POLR1F: variants seen among roughly 807,000 people sequenced by gnomAD.
POLR1F encodes DNA-directed RNA polymerase I subunit RPA43.
Under a neutral mutation model 21.8 loss-of-function variants are expected in POLR1F, and 23 were observed. The observed-to-expected ratio is 1.05, with a 90% confidence interval of 0.76 to 1.49. The LOEUF is 1.49. Among genes scored for constraint, POLR1F ranks in the 40% most tolerant of loss-of-function variants. The probability of loss-of-function intolerance (pLI) is 0.00; values close to 1 mark genes in which losing one functional copy is unlikely to be tolerated. For missense variants in POLR1F, 435 were observed against 412.1 expected, an observed-to-expected ratio of 1.06 and a Z score of -0.48; for synonymous variants, 162 against 152.8, an observed-to-expected ratio of 1.06 and a Z score of -0.45.
chr7:19,698,644 T>G lies in POLR1F; in HGVS notation c.689A>C (p.Lys230Thr). ...ATATGTCTCTGGGTCTTTCTTCTTT[T>G]TCTTCTTTTTAGGTTTTTTAGCAGC... ...EEAAKKPKKK[K>T]KKKDPETYEV... Residue 230 changes from lysine to threonine, a missense_variant, in exon 4 of 4, where the codon AAA (lysine) becomes ACA (threonine). Transcript: ENST00000222567. The G allele has an allele frequency of 6.3e-7, 1 of 1,595,676 alleles. No homozygotes were observed. The highest frequency in any genetic ancestry group is 8.5e-7 in the Non-Finnish European group (1 of 1,175,614).
rs753306073 is a variant in POLR1F, at chr7:19,708,772, T to A, written c.245A>T (p.Tyr82Phe). 4.0e-5 allele frequency: 65 copies of A among 1,611,786 alleles called. No homozygotes were observed. Among genetic ancestry groups the A allele is most frequent in the Non-Finnish European group, 5.3e-5 (63 of 1,178,052 alleles). The change falls in exon 1 of 4, where the codon TAT (tyrosine) becomes TTT (phenylalanine). Residue 82 changes from tyrosine (Y) to phenylalanine (F), a missense_variant. Transcript: ENST00000222567. ...REQLDAELLR[Y>F]SESLLGVPIA... ...GCAAAGAGATCGGTACCTCTCAGAA[T>A]AGCGAAGGAGCTCCGCATCAAGCTG... is the stretch of plus-strand genomic sequence containing the variant.
intron 3 of POLR1F, among the ~76,000 whole-genome samples, chr7:19,699,705 G>C (rs1441206267): frequency 2.0e-5 from 3 of 152,012 alleles, no homozygotes; most frequent in Non-Finnish European, 2.9e-5. Flanking sequence ...AATTTTTTGT[G>C]TGTAAAAACA....
chr7:19,701,721 G>T (rs899987102), intron 2 of POLR1F, among the ~76,000 whole-genome samples: 23 of 151,726 alleles, frequency 1.5e-4, no homozygotes, highest in Admixed American at 1.4e-3. Context: ...GATGGCCTCT[G>T]GGGGGGCAGG....
intron 2 of POLR1F, among the ~76,000 whole-genome samples, chr7:19,702,512 A>G (rs1783458844): frequency 6.6e-6 from 1 of 152,178 alleles, no homozygotes; most frequent in African/African-American, 2.4e-5. Flanking sequence ...TCGGCAGACA[A>G]ATTTCTTTGA....
At chr7:19,701,418 G>A (rs941156397) in intron 2 of POLR1F, among the ~76,000 whole-genome samples, 1 of 152,116 alleles carries the variant, frequency 6.6e-6, no homozygotes, top group Non-Finnish European at 1.5e-5. Flanking sequence ...GAGCACAAGC[G>A]GTTTTTAGGA....
rs1173102805 is a variant in POLR1F, at chr7:19,698,079, G to C, written c.*237C>G. On this transcript the variant is annotated 3_prime_UTR_variant, in exon 4 of 4. Coordinates refer to ENST00000222567, the MANE Select transcript of POLR1F (RefSeq NM_001002926.2). Reference sequence around the variant, plus strand: ...CAAAACCTGGAAGAATATGAGAGCTGACAGTGAGAGCAGCTTTTTATTTTG... The same window carrying C: ...CAAAACCTGGAAGAATATGAGAGCTCACAGTGAGAGCAGCTTTTTATTTTG... 1 of 342,666 alleles carries C rather than the reference G, an allele frequency of 2.9e-6. No individual in the cohort carries two copies. The highest frequency in any genetic ancestry group is 2.1e-5 in the African/African-American group (1 of 47,278). 21.2% of individuals were successfully genotyped at this position (342,666 alleles called of 1,614,324 possible). A position where few individuals can be genotyped will look rare whatever the true frequency, so the allele number is the denominator to read the frequency against.
chr7:19,703,523 G>A (rs1783471954), intron 2 of POLR1F, among the ~76,000 whole-genome samples: 1 of 152,136 alleles, frequency 6.6e-6, no homozygotes, highest in Admixed American at 6.5e-5. Flanking sequence ...TAGATTAAAA[G>A]GGATATTTTT....
intron 2 of POLR1F, among the ~76,000 whole-genome samples, chr7:19,703,057 C>A (rs995734520): frequency 6.6e-6 from 1 of 151,946 alleles, no homozygotes; most frequent in African/African-American, 2.4e-5. Context: ...TCATAAAAGC[C>A]CCAGCCTGGA....
At chr7:19,707,214 T>C (rs1410991753) in intron 1 of POLR1F, among the ~76,000 whole-genome samples, 1 of 152,214 alleles carries the variant, frequency 6.6e-6, no homozygotes, top group Non-Finnish European at 1.5e-5. Flanking sequence ...ATTAAGTAAA[T>C]GTTGTTTCTT....
chr7:19,699,328 A>G (rs117487733), intron 3 of POLR1F, among the ~76,000 whole-genome samples: 2,927 of 152,312 alleles, frequency 0.019, 47 homozygotes, highest in Middle Eastern at 0.061. Flanking sequence ...CTTATACAGT[A>G]GCACTAGGCA....
At chr7:19,702,302 A>T (rs1369531256) in intron 2 of POLR1F, among the ~76,000 whole-genome samples, 1 of 152,190 alleles carries the variant, frequency 6.6e-6, no homozygotes, top group Non-Finnish European at 1.5e-5. Flanking sequence ...AAAATATGTC[A>T]ATTTCAGAAA....
intron 2 of POLR1F, among the ~76,000 whole-genome samples, chr7:19,703,054 A>G (rs1783465720): frequency 6.6e-6 from 1 of 152,208 alleles, no homozygotes; most frequent in Admixed American, 6.5e-5. Flanking sequence ...TATTCATAAA[A>G]GCCCCAGCCT....
Position 19,701,136 on chromosome 7 carries a change from G to T in POLR1F, c.397-856C>A, listed in dbSNP as rs17141795. ...TATCTGGTATGATCAGAAGTCTAGT[G>T]TTCCCACTGGTAGTTTCCAGATGGT... On this transcript the variant is annotated intron_variant, in intron 2 of 3. Coordinates refer to ENST00000222567, the MANE Select transcript of POLR1F (RefSeq NM_001002926.2). Among the ~76,000 whole-genome samples, 1,224 of 152,286 alleles carry T rather than the reference G, an allele frequency of 8.0e-3. 17 individuals are homozygous for T. The highest frequency in any genetic ancestry group is 0.028 in the African/African-American group (1,166 of 41,552).
chr7:19,699,053 GT>G (rs1412654432), intron 3 of POLR1F, among the ~76,000 whole-genome samples: 4 of 152,018 alleles, frequency 2.6e-5, no homozygotes, highest in Non-Finnish European at 5.9e-5. Context: ...GTTTTGGGTT[GT>G]TTCAGAAAAA....
chr7:19,701,647 G>C (rs1374175019), intron 2 of POLR1F, among the ~76,000 whole-genome samples: 1 of 152,098 alleles, frequency 6.6e-6, no homozygotes, highest in Admixed American at 6.5e-5. Flanking sequence ...TAAATACTAG[G>C]GACAATAGAG....
At position 19,698,177 on chromosome 7, in the gene POLR1F, T is replaced by C; in HGVS notation, c.*139A>G. On this transcript the variant is annotated 3_prime_UTR_variant, in exon 4 of 4. Transcript: ENST00000222567. ...AGTCAGTTTTATCATTTTTAGCATA[T>C]AAAGCCTCCTACTCCTAGTTAAGTA... 2 of 672,486 alleles carry C rather than the reference T, an allele frequency of 3.0e-6. No homozygotes were observed. Among genetic ancestry groups the C allele is most frequent in the South Asian group, 5.0e-5 (1 of 20,144 alleles). 41.7% of individuals were successfully genotyped at this position (672,486 alleles called of 1,614,324 possible). A position where few individuals can be genotyped will look rare whatever the true frequency, so the allele number is the denominator to read the frequency against.
chr7:19,708,964 G>C lies in POLR1F; in HGVS notation c.53C>G (p.Ser18Cys), dbSNP rs146649877. ...CAGGACGCCAGCCTGCCCTACCAGA[G>C]ACCCATCAGAAGCCGCCGCTGGCCG... ...APRPAAASDGSLVGQAGVLPC... is the reference protein window; with the variant it reads ...APRPAAASDGCLVGQAGVLPC... The change falls in exon 1 of 4, where the codon TCT becomes TGT. Residue 18 changes from serine to cysteine, a missense_variant. Coordinates refer to ENST00000222567, the MANE Select transcript of POLR1F (RefSeq NM_001002926.2). 2 of 1,605,776 alleles carry C rather than the reference G, an allele frequency of 1.2e-6. No individual in the cohort carries two copies. The highest frequency in any genetic ancestry group is 1.1e-5 in the South Asian group (1 of 90,932).
At chr7:19,708,663 A>G (rs1583404473) in intron 1 of POLR1F, 100 bp downstream of exon 1, 1 of 1,512,716 alleles carries the variant, frequency 6.6e-7, no homozygotes, top group African/African-American at 1.4e-5. Flanking sequence ...CTGGGGGGCA[A>G]TGCGACCTTT....
At position 19,700,109 on chromosome 7, in the gene POLR1F, C is replaced by T. The variant is rs1199964657; in HGVS notation, c.568G>A (p.Gly190Arg). The change falls in exon 3 of 4, where the codon GGA (glycine) becomes AGA (arginine). Residue 190 changes from glycine (G) to arginine (R), a missense_variant. Physicochemically the swap from Gly to Arg is moderately radical, Grantham distance 125. Transcript: ENST00000222567. The stretch of plus-strand genomic sequence containing the variant: ...AGTTTTCCCCGAATGCAGAATACTC[C>T]AGCAGCATCTGAGTCTAAACGAAAT... ...EVFRLDSDAA[G>R]VFCIRGKLNI... The T allele has an allele frequency of 1.2e-6, 2 of 1,613,728 alleles. No individual in the cohort carries two copies. The highest frequency in any genetic ancestry group is 1.7e-6 in the Non-Finnish European group (2 of 1,179,810).
Sources: allele counts gnomAD v4.1 joint callset (sites outside exome capture counted in the v4.1 genomes callset), GRCh38; gene constraint gnomAD v4.1.1; transcripts MANE v1.5; gene names NCBI Gene and HGNC (gene_info 2026-07-23, HGNC 2026-07-21).